KAZN: variants seen among roughly 807,000 people sequenced by gnomAD.
The protein encoded by KAZN is kazrin.
KAZN carries 40 observed loss-of-function variants against 87.4 expected under a neutral mutation model. That is an observed-to-expected ratio of 0.46 (90% CI 0.36 to 0.60). KAZN has a LOEUF of 0.60. Ranked by LOEUF, KAZN falls within the 20% of genes least tolerant of loss-of-function variation. The probability of loss-of-function intolerance (pLI) is 0.00; values close to 1 mark genes in which losing one functional copy is unlikely to be tolerated. For missense variants in KAZN, 898 were observed against 1,073.9 expected (o/e 0.84, Z 2.29); for synonymous variants, 466 against 458.3 (o/e 1.02, Z -0.22).
At chr1:15,041,258 G>A (rs906256234) in intron 3 of KAZN, among the ~76,000 whole-genome samples, 2 of 150,854 alleles carry the variant, frequency 1.3e-5, no homozygotes, top group African/African-American at 2.4e-5. Context: ...CACCGCACCC[G>A]GCTCCTAGCC....
rs1278835255 is a variant in KAZN, at chr1:15,116,183, T to C, written c.*1548T>C. On this transcript the variant is annotated 3_prime_UTR_variant, in exon 15 of 15. Coordinates refer to ENST00000376030, the MANE Select transcript of KAZN (RefSeq NM_201628.3). ...AGCGAGTCACTTGTTGGAACCATGA[T>C]GCTCGACCTCCTTCAAGGCCGTTTG... is the stretch of plus-strand genomic sequence containing the variant. The C allele has an allele frequency of 6.6e-6, 1 of 152,240 alleles. No homozygotes were observed. Among genetic ancestry groups the C allele is most frequent in the Non-Finnish European group, 1.5e-5 (1 of 68,048 alleles). The allele number at this position is 152,240 out of a possible 1,614,324, so 9.4% of individuals were successfully genotyped here.
intron 2 of KAZN, among the ~76,000 whole-genome samples, chr1:14,987,795 A>G (rs894617158): frequency 9.2e-5 from 14 of 152,200 alleles, no homozygotes; most frequent in Non-Finnish European, 1.0e-4. Flanking sequence ...TTCATTTTGA[A>G]GCAGTCCTCT....
Position 15,096,425 on chromosome 1 carries a change from C to T in KAZN, c.1547+1492C>T, listed in dbSNP as rs751227276. Among the ~76,000 whole-genome samples the T allele has an allele frequency of 1.3e-5, 2 of 152,208 alleles. No homozygotes were observed. Among genetic ancestry groups the T allele is most frequent in the Non-Finnish European group, 2.9e-5 (2 of 68,026 alleles). On this transcript the variant is annotated intron_variant, in intron 10 of 14. Coordinates refer to ENST00000376030, the MANE Select transcript of KAZN (RefSeq NM_201628.3). The surrounding 1 kb of genome is among the most constrained non-coding windows in gnomAD (Gnocchi z 4.5). ...GAAATGCATGGGGGGAGGACGTCCC[C>T]ACCGTCCTCTGCCTCCCAGGGGTGC...
At chr1:14,925,813 C>A (rs1659108577) in intron 1 of KAZN, among the ~76,000 whole-genome samples, 1 of 152,172 alleles carries the variant, frequency 6.6e-6, no homozygotes, top group South Asian at 2.1e-4. Context: ...CAGAGTAGTC[C>A]TCTCTCCTGT....
chr1:13,947,957 T>C (rs541319652), intron 1 of KAZN, among the ~76,000 whole-genome samples: 12 of 152,278 alleles, frequency 7.9e-5, no homozygotes, highest in Admixed American at 4.6e-4. Context: ...TGGTCAGCAA[T>C]TTCTGGGGTT....
At chr1:14,869,382 T>A in intron 1 of KAZN, among the ~76,000 whole-genome samples, 1 of 152,340 alleles carries the variant, frequency 6.6e-6, no homozygotes, top group East Asian at 1.9e-4. Context: ...GGGCTGTGAC[T>A]GTATATTCTG....
chr1:14,970,526 C>T (rs529761823), intron 2 of KAZN, among the ~76,000 whole-genome samples: 6 of 152,270 alleles, frequency 3.9e-5, no homozygotes, highest in Non-Finnish European at 5.9e-5. Flanking sequence ...TTTTTGCACC[C>T]GAGGAACTGA....
At chr1:14,526,749 C>T (rs79069499) in intron 2 of KAZN, among the ~76,000 whole-genome samples, 3,312 of 152,256 alleles carry the variant, frequency 0.022, 38 homozygotes, top group Non-Finnish European at 0.029. Flanking sequence ...CATCAAGAAA[C>T]CACTTCATAG....
chr1:14,330,634 A>G (rs908847080), intron 2 of KAZN, among the ~76,000 whole-genome samples: 1 of 152,014 alleles, frequency 6.6e-6, no homozygotes, highest in Non-Finnish European at 1.5e-5. Flanking sequence ...TTTCAACTTG[A>G]AAAGTTGCCA....
Position 14,710,622 on chromosome 1 carries a change from G to A in KAZN, c.226+111399G>A, listed in dbSNP as rs141611212. Among the ~76,000 whole-genome samples, 21 of 152,176 alleles carry A rather than the reference G, an allele frequency of 1.4e-4. No individual in the cohort carries two copies. In the South Asian group the frequency reaches 1.7e-3, roughly 12 times the overall value. Reference sequence around the variant, plus strand: ...TTTCAGGGCTCTCTCCCCACCCCCCGGTACCAGCATGGATTGATCCTCACT... The same window carrying A: ...TTTCAGGGCTCTCTCCCCACCCCCCAGTACCAGCATGGATTGATCCTCACT... On this transcript the variant is annotated intron_variant, in intron 1 of 14. Transcript: ENST00000376030.
At chr1:14,266,470 G>C (rs1651480748) in intron 2 of KAZN, among the ~76,000 whole-genome samples, 1 of 152,118 alleles carries the variant, frequency 6.6e-6, no homozygotes, top group Non-Finnish European at 1.5e-5. Flanking sequence ...AATTACTATG[G>C]CATATTTGTA....
chr1:14,728,083 C>T (rs572882953), intron 1 of KAZN, among the ~76,000 whole-genome samples: 4 of 151,684 alleles, frequency 2.6e-5, no homozygotes, highest in South Asian at 4.2e-4. Flanking sequence ...GTCAGGAGTT[C>T]GAGACCAGCC....
At chr1:14,529,280 G>A (rs536646199) in intron 2 of KAZN, among the ~76,000 whole-genome samples, 3 of 152,258 alleles carry the variant, frequency 2.0e-5, no homozygotes, top group South Asian at 4.1e-4. Flanking sequence ...CCCCAGCCTC[G>A]GTGACAAGAG....
At chr1:14,587,656 C>G (rs1675940438) in intron 2 of KAZN, among the ~76,000 whole-genome samples, 1 of 151,784 alleles carries the variant, frequency 6.6e-6, no homozygotes, top group Non-Finnish European at 1.5e-5. Context: ...CCGGAAACAA[C>G]CAGATCTCGT....
chr1:15,021,022 C>T lies in KAZN; in HGVS notation c.419-13727C>T, dbSNP rs867447273. On this transcript the variant is annotated intron_variant, in intron 2 of 14. Transcript: ENST00000376030. This position sits in a 1 kb window ranked among gnomAD's most constrained non-coding sequence, Gnocchi z 4.2. ...CAACAACCCTGCTGTGTCTCTGTTA[C>T]GCAGCAGGGGTGAGACCAGTCCATA... is the stretch of plus-strand genomic sequence containing the variant. Among the ~76,000 whole-genome samples the T allele has an allele frequency of 6.3e-4, 96 of 152,284 alleles. No homozygotes were observed. The highest frequency in any genetic ancestry group is 4.6e-3 in the Admixed American group (70 of 15,302).
chr1:14,548,289 C>A (rs2148506928), intron 2 of KAZN, among the ~76,000 whole-genome samples: 1 of 151,404 alleles, frequency 6.6e-6, no homozygotes, highest in East Asian at 2.0e-4. Context: ...ACCACTGCCT[C>A]CTGGGTTCAG....
intron 2 of KAZN, among the ~76,000 whole-genome samples, chr1:14,239,394 TA>T (rs1427293573): frequency 2.0e-5 from 3 of 150,754 alleles, no homozygotes; most frequent in African/African-American, 7.3e-5. Flanking sequence ...AAGAGGAAAC[TA>T]AAGAGTTTGA....
intron 1 of KAZN, among the ~76,000 whole-genome samples, chr1:14,132,459 G>A (rs954364906): frequency 6.6e-6 from 1 of 152,178 alleles, no homozygotes; most frequent in Admixed American, 6.6e-5. Context: ...AGGGCCTGTG[G>A]CCTGAGCATG....
At chr1:14,606,694 A>G (rs1677392520) in intron 1 of KAZN, among the ~76,000 whole-genome samples, 1 of 152,070 alleles carries the variant, frequency 6.6e-6, no homozygotes, top group African/African-American at 2.4e-5. Context: ...TTAACCTCAA[A>G]CAGATACCTT....
Sources: allele counts gnomAD v4.1 joint callset (sites outside exome capture counted in the v4.1 genomes callset), GRCh38; gene constraint gnomAD v4.1.1; non-coding constraint Gnocchi (gnomAD v3.1); transcripts MANE v1.5; gene names NCBI Gene and HGNC (gene_info 2026-07-23, HGNC 2026-07-21).